SSPN: variants seen among roughly 807,000 people sequenced by gnomAD.
SSPN encodes the protein sarcospan, also known as K-ras oncogene-associated protein.
In SSPN, 15 loss-of-function variants were observed where a neutral mutation model predicts 19.1. That is an observed-to-expected ratio of 0.78 (90% CI 0.52 to 1.21). The LOEUF (loss-of-function observed/expected upper bound fraction) is 1.21, where lower values mean the gene tolerates loss of function less well. Ranked by LOEUF, SSPN falls within the 50% of genes most tolerant of loss-of-function variation. The pLI is 0.00. For missense variants in SSPN, 291 were observed against 314.0 expected, an observed-to-expected ratio of 0.93 and a Z score of 0.55; for synonymous variants, 147 against 140.3, an observed-to-expected ratio of 1.05 and a Z score of -0.34.
intron 1 of SSPN, among the ~76,000 whole-genome samples, chr12:26,196,924 ATAT>A (rs1670693905): frequency 6.6e-6 from 1 of 152,190 alleles, no homozygotes; most frequent in African/African-American, 2.4e-5. Context: ...TGTAACTTTA[ATAT>A]TATGTTATAT....
At chr12:26,201,047 T>TATATAAA (rs1565685551) in intron 1 of SSPN, among the ~76,000 whole-genome samples, 55 of 50,976 alleles carry the variant, frequency 1.1e-3, no homozygotes, top group South Asian at 2.8e-3. Flanking sequence ...ATATATATAT[T>TATATAAA]ATATATATAT....
intron 1 of SSPN, among the ~76,000 whole-genome samples, chr12:26,212,795 C>T (rs1201424957): frequency 1.3e-5 from 2 of 152,132 alleles, no homozygotes; most frequent in Non-Finnish European, 2.9e-5. Flanking sequence ...TTGCTAGCTA[C>T]GATTTTGTTC....
chr12:26,223,370 C>A (rs1945143225), intron 1 of SSPN, among the ~76,000 whole-genome samples: 1 of 152,196 alleles, frequency 6.6e-6, no homozygotes, highest in Non-Finnish European at 1.5e-5. Flanking sequence ...ACCACCACGC[C>A]TGGCTAATTT....
At chr12:26,210,158 T>C (rs993665421) in intron 1 of SSPN, among the ~76,000 whole-genome samples, 3 of 151,948 alleles carry the variant, frequency 2.0e-5, no homozygotes, top group Admixed American at 6.6e-5. Context: ...TTGTCTTATC[T>C]GTATGCTCCT....
At position 26,129,381 on chromosome 12, in the gene SSPN, C is replaced by T. The variant is rs1944385307; in HGVS notation, c.-31+7229C>T. Reference sequence around the variant, plus strand: ...GGGGTGGGATCTGGACTTACAAAAGCTTCCCTAGGAATTTCGGCTCTTGGC... The same window carrying T: ...GGGGTGGGATCTGGACTTACAAAAGTTTCCCTAGGAATTTCGGCTCTTGGC... On this transcript the variant is annotated intron_variant, in intron 1 of 2. Coordinates refer to the SSPN transcript ENST00000538142. 2.0e-5 allele frequency among the ~76,000 whole-genome samples: 3 copies of T among 152,178 alleles called. No individual in the cohort carries two copies. The South Asian group carries it at 6.2e-4, about 31-fold the overall frequency.
chr12:26,129,143 C>T (rs1944383049), intron 1 of SSPN, among the ~76,000 whole-genome samples: 1 of 152,188 alleles, frequency 6.6e-6, no homozygotes, highest in Non-Finnish European at 1.5e-5. Flanking sequence ...CTGTACATCT[C>T]TGATGGCCCC....
At position 26,232,591 on chromosome 12, in the gene SSPN, C is replaced by T; in HGVS notation, c.*1515C>T. 12 of 985,278 alleles carry T rather than the reference C, an allele frequency of 1.2e-5. No individual in the cohort carries two copies. The highest frequency in any genetic ancestry group is 1.4e-5 in the Non-Finnish European group (12 of 829,886). The allele number at this position is 985,278 out of a possible 1,614,324, so 61.0% of individuals were successfully genotyped here. A position where few individuals can be genotyped will look rare whatever the true frequency, so the allele number is the denominator to read the frequency against. ...AACCTAAAAGGAAAACATTTTCCTG[C>T]TTGTCTTAGAAGAAAGTGGAATAAT... On this transcript the variant is annotated 3_prime_UTR_variant, in exon 3 of 3. Transcript: ENST00000242729.
intron 1 of SSPN, among the ~76,000 whole-genome samples, chr12:26,150,500 A>G (rs766649152): frequency 3.3e-5 from 5 of 152,194 alleles, no homozygotes; most frequent in Non-Finnish European, 5.9e-5. Flanking sequence ...TGTCCTGTAC[A>G]TACAATTTAT....
chr12:26,188,086 C>T, intron 1 of SSPN, among the ~76,000 whole-genome samples: 1 of 152,170 alleles, frequency 6.6e-6, no homozygotes, highest in East Asian at 1.9e-4. Flanking sequence ...TAGTTCATAG[C>T]AACCTTCTGA....
At chr12:26,181,343 A>C (rs1944717656) in intron 1 of SSPN, 1 of 152,238 alleles carries the variant, frequency 6.6e-6, no homozygotes, top group Non-Finnish European at 1.5e-5. Context: ...AACAGCAAAA[A>C]TACTACTGTA....
At chr12:26,132,317 G>A (rs1944401289) in intron 1 of SSPN, among the ~76,000 whole-genome samples, 1 of 152,176 alleles carries the variant, frequency 6.6e-6, no homozygotes, top group Non-Finnish European at 1.5e-5. Flanking sequence ...GGGTTTTAGG[G>A]ATTCAGTAGT....
intron 1 of SSPN, chr12:26,124,863 G>A (rs142388272): frequency 2.0e-4 from 272 of 1,360,174 alleles, no homozygotes; most frequent in Admixed American, 2.5e-4. Flanking sequence ...GGAGACCTTG[G>A]GGGGATCTGT....
At chr12:26,137,636 G>GTATATATATATATATATATATATATATA (rs35349803) in intron 1 of SSPN, among the ~76,000 whole-genome samples, 2 of 31,380 alleles carry the variant, frequency 6.4e-5, no homozygotes, top group South Asian at 2.3e-3. Context: ...GTGTGTGTAT[G>GTATATATATATATATATATATATATATA]TATATATATA....
chr12:26,169,530 A>G (rs1366456019), intron 1 of SSPN, among the ~76,000 whole-genome samples: 1 of 152,042 alleles, frequency 6.6e-6, no homozygotes, highest in East Asian at 1.9e-4. Context: ...AGAGTTTTCT[A>G]AATCTCTTTA....
Position 26,162,044 on chromosome 12 carries a change from A to G in SSPN, c.-31+39892A>G, listed in dbSNP as rs576026513. 6.6e-5 allele frequency among the ~76,000 whole-genome samples: 10 copies of G among 152,224 alleles called. No individual in the cohort carries two copies. In the East Asian group the frequency reaches 1.7e-3, roughly 26 times the overall value. Reference sequence around the variant, plus strand: ...GGCACTTAATAGGTACCTAGTCCATATTATTGAATGAGGAAGTGAATAAAT... The same window carrying G: ...GGCACTTAATAGGTACCTAGTCCATGTTATTGAATGAGGAAGTGAATAAAT... On this transcript the variant is annotated intron_variant, in intron 1 of 2. Coordinates refer to the SSPN transcript ENST00000538142.
At chr12:26,127,546 C>G (rs1565667104) in intron 1 of SSPN, among the ~76,000 whole-genome samples, 1 of 152,120 alleles carries the variant, frequency 6.6e-6, no homozygotes. Context: ...ATTTTTATCT[C>G]CTTTGTTGTT....
intron 1 of SSPN, among the ~76,000 whole-genome samples, chr12:26,145,640 C>T (rs1944485701): frequency 6.6e-6 from 1 of 152,228 alleles, no homozygotes. Context: ...TTGGTTTTCA[C>T]TCTCGACTGT....
intron 1 of SSPN, chr12:26,124,780 G>A: frequency 6.2e-7 from 1 of 1,614,176 alleles, no homozygotes; most frequent in Non-Finnish European, 8.5e-7. Context: ...CTTCGTCCAT[G>A]TTCAACTGCT....
Position 26,224,370 on chromosome 12 carries a change from T to A in SSPN, c.357T>A (p.Phe119Leu). The stretch of plus-strand genomic sequence containing the variant: ...TTGACGAACGGACATGTATTCAATT[T>A]TCTATGAAAGTAAGTTGTGATTGTT... ...YQVDERTCIQ[F>L]SMKLLYFLLS... The change falls in exon 2 of 3, where the codon TTT (phenylalanine) becomes TTA (leucine). Residue 119 changes from phenylalanine to leucine, a missense_variant. Transcript: ENST00000242729. 3.1e-6 allele frequency: 5 copies of A among 1,612,444 alleles called. No homozygotes were observed. Among genetic ancestry groups the A allele is most frequent in the Non-Finnish European group, 4.2e-6 (5 of 1,178,512 alleles).
Sources: gnomAD v4.1 joint callset for allele counts (sites outside exome capture counted in the v4.1 genomes callset) on GRCh38, gnomAD v4.1.1 for gene constraint, MANE v1.5 for transcripts, NCBI Gene and HGNC (gene_info 2026-07-23, HGNC 2026-07-21) for gene names.